Variants in LRP1B observed in about 807,000 individuals in gnomAD.
LRP1B encodes the protein LDL receptor related protein 1B.
LRP1B carries 217 observed loss-of-function variants against 556.6 expected under a neutral mutation model. That is an observed-to-expected ratio of 0.39 (90% CI 0.35 to 0.44). The LOEUF (loss-of-function observed/expected upper bound fraction) is 0.44. Among genes scored for constraint, LRP1B ranks in the 20% least tolerant of loss-of-function variants. The pLI is 1.00. For synonymous variants in LRP1B, 2,047 were observed against 1,865.8 expected (o/e 1.10, Z -2.50); for missense variants, 5,053 against 5,620.8 (o/e 0.90, Z 3.23).
intron 5 of LRP1B, among the ~76,000 whole-genome samples, chr2:141,234,666 T>G (rs1374846749): frequency 1.3e-5 from 2 of 152,090 alleles, no homozygotes; most frequent in Non-Finnish European, 2.9e-5. Context: ...CATGAGCCAC[T>G]GTACTCAGCC....
At chr2:140,237,765 ATATATC>A (rs1260588484) in intron 89 of LRP1B, among the ~76,000 whole-genome samples, 2 of 150,812 alleles carry the variant, frequency 1.3e-5, no homozygotes, top group African/African-American at 4.8e-5. Context: ...TTATCTATCT[ATATATC>A]TATCTATCCC....
At chr2:142,114,320 T>C (rs1228134681) in intron 1 of LRP1B, among the ~76,000 whole-genome samples, 2 of 152,266 alleles carry the variant, frequency 1.3e-5, no homozygotes, top group South Asian at 2.1e-4. Flanking sequence ...GAAGTAATCA[T>C]AGTAATTCAG....
At chr2:140,922,893 A>G (rs1694781019) in intron 21 of LRP1B, 72 bp downstream of exon 21, 7 of 1,308,216 alleles carry the variant, frequency 5.4e-6, no homozygotes, top group Non-Finnish European at 7.4e-6. Flanking sequence ...GGTGAGATAC[A>G]GATTCAGCCT....
chr2:140,479,732 G>A (rs1327125185), intron 59 of LRP1B, among the ~76,000 whole-genome samples: 1 of 152,046 alleles, frequency 6.6e-6, no homozygotes, highest in Non-Finnish European at 1.5e-5. Context: ...CTGAATATGA[G>A]GATACTGACA....
At chr2:141,331,522 C>CTCTT (rs71213744) in intron 3 of LRP1B, among the ~76,000 whole-genome samples, 5,442 of 140,784 alleles carry the variant, frequency 0.039, 156 homozygotes, top group Admixed American at 0.052. Context: ...TTCTTTCTTT[C>CTCTT]TCTTTCTTTC....
intron 18 of LRP1B, 28 bp from the exon 19 acceptor site, chr2:140,951,968 G>A (rs1695729851): frequency 6.7e-7 from 1 of 1,494,738 alleles, no homozygotes; most frequent in East Asian, 2.3e-5. Context: ...ATGTCCAAAA[G>A]GTAACATGTT....
intron 7 of LRP1B, among the ~76,000 whole-genome samples, chr2:141,130,373 A>G (rs1333868914): frequency 2.0e-5 from 3 of 152,118 alleles, no homozygotes; most frequent in African/African-American, 7.2e-5. Context: ...TTAAAATTAT[A>G]TTTCATACTA....
rs758595253 is a variant in LRP1B at position 142,130,812 on chromosome 2, G to A, written c.-83C>T. Reference sequence around the variant, plus strand: ...GGCGGCGGCGGCGGCGGCAGGGGCCGCTTGGAGCCTGGAATCGAGCGGCGT... The same window carrying A: ...GGCGGCGGCGGCGGCGGCAGGGGCCACTTGGAGCCTGGAATCGAGCGGCGT... On this transcript the variant is annotated 5_prime_UTR_variant, in exon 1 of 91. Coordinates refer to ENST00000389484, the MANE Select transcript of LRP1B (RefSeq NM_018557.3). The A allele has an allele frequency of 9.5e-7, 1 of 1,054,218 alleles. No individual in the cohort carries two copies. The highest frequency in any genetic ancestry group is 1.4e-6 in the Non-Finnish European group (1 of 692,074). 65.3% of individuals were successfully genotyped at this position (1,054,218 alleles called of 1,614,324 possible).
At chr2:141,865,288 A>T (rs12992880) in intron 1 of LRP1B, among the ~76,000 whole-genome samples, 48,930 of 151,964 alleles carry the variant, frequency 0.32, 9,101 homozygotes, top group Middle Eastern at 0.47. Flanking sequence ...AAAATATCAA[A>T]AGCATATCAT....
intron 3 of LRP1B, among the ~76,000 whole-genome samples, chr2:141,465,209 A>C (rs1273967770): frequency 6.6e-6 from 1 of 152,184 alleles, no homozygotes; most frequent in African/African-American, 2.4e-5. Context: ...AAATTCAGAC[A>C]AGTTTTTAAA....
intron 2 of LRP1B, among the ~76,000 whole-genome samples, chr2:141,657,254 T>C (rs185114461): frequency 1.3e-5 from 2 of 152,232 alleles, no homozygotes; most frequent in African/African-American, 4.8e-5. Flanking sequence ...AAGAAATGTA[T>C]AGTTACACAC....
At chr2:141,165,781 A>G (rs1325046903) in intron 7 of LRP1B, among the ~76,000 whole-genome samples, 2 of 152,078 alleles carry the variant, frequency 1.3e-5, no homozygotes, top group Non-Finnish European at 2.9e-5. Context: ...AATGAAAAAT[A>G]TACAATTATT....
chr2:141,110,102 T>TAA (rs34690044), intron 7 of LRP1B, among the ~76,000 whole-genome samples: 27 of 151,644 alleles, frequency 1.8e-4, no homozygotes, highest in African/African-American at 4.6e-4. Flanking sequence ...AGCTAAAACT[T>TAA]AAAAAAAACA....
chr2:141,071,313 T>G (rs1254163221), intron 7 of LRP1B, among the ~76,000 whole-genome samples: 1 of 151,394 alleles, frequency 6.6e-6, no homozygotes, highest in Non-Finnish European at 1.5e-5. Flanking sequence ...CAACGCTTCA[T>G]GCTAAAAACT....
At chr2:141,676,194 A>T (rs1574228686) in intron 2 of LRP1B, among the ~76,000 whole-genome samples, 1 of 151,986 alleles carries the variant, frequency 6.6e-6, no homozygotes, top group African/African-American at 2.4e-5. Context: ...TTGGACTGCC[A>T]CCCCACTATT....
At chr2:141,687,854 A>G (rs1038599082) in intron 2 of LRP1B, among the ~76,000 whole-genome samples, 7 of 151,944 alleles carry the variant, frequency 4.6e-5, no homozygotes, top group African/African-American at 1.4e-4. Flanking sequence ...TATGGTTCAC[A>G]GAATTAAAGC....
intron 3 of LRP1B, among the ~76,000 whole-genome samples, chr2:141,441,035 T>C (rs1258147624): frequency 5.3e-5 from 8 of 151,856 alleles, no homozygotes; most frequent in African/African-American, 1.9e-4. Context: ...ATGTCAATAG[T>C]GTGAGGCTGA....
intron 41 of LRP1B, among the ~76,000 whole-genome samples, chr2:140,644,835 G>A (rs564299152): frequency 3.8e-4 from 58 of 152,168 alleles, no homozygotes; most frequent in South Asian, 3.3e-3. Context: ...TAAAGCAATC[G>A]ATCAGTACAA....
chr2:140,328,155 AT>A (rs1680596256), intron 79 of LRP1B, among the ~76,000 whole-genome samples: 1 of 152,038 alleles, frequency 6.6e-6, no homozygotes, highest in Non-Finnish European at 1.5e-5. Context: ...CAAGAAACTC[AT>A]TTTTATCTGA....
Sources: allele counts gnomAD v4.1 joint callset (sites outside exome capture counted in the v4.1 genomes callset), GRCh38; gene constraint gnomAD v4.1.1; transcripts MANE v1.5; gene names NCBI Gene and HGNC (gene_info 2026-07-23, HGNC 2026-07-21).